ABLIM1: variants seen among roughly 807,000 people sequenced by gnomAD.
ABLIM1 encodes actin binding LIM protein 1.
ABLIM1 carries 40 observed loss-of-function variants against 107.0 expected under a neutral mutation model. That is an observed-to-expected ratio of 0.37 (90% CI 0.29 to 0.49). The LOEUF is 0.49. Ranked by LOEUF, ABLIM1 falls within the 20% of genes least tolerant of loss-of-function variation. The pLI is 0.97. For missense variants in ABLIM1, 857 were observed against 1,008.5 expected (o/e 0.85, Z 2.04); for synonymous variants, 357 against 357.3 (o/e 1.00, Z 0.01).
At chr10:114,784,668 AAAAAAAAAAAAAAAAG>A in the ABLIM1 span, among the ~76,000 whole-genome samples, 1 of 21,726 alleles carries the variant, frequency 4.6e-5, no homozygotes, top group Admixed American at 4.1e-4. Flanking sequence ...CTCACCTCAA[AAAAAAAAAAAAAAAAG>A]AAAAAGAAAA....
At chr10:114,747,076 A>G (rs766079902) in intron 1 of ABLIM1, among the ~76,000 whole-genome samples, 8 of 152,228 alleles carry the variant, frequency 5.3e-5, no homozygotes, top group African/African-American at 7.2e-5. Flanking sequence ...TTTGATGTGT[A>G]GAAGGAAAAG....
chr10:114,579,623 T>C (rs2073105109), intron 2 of ABLIM1, among the ~76,000 whole-genome samples: 1 of 152,206 alleles, frequency 6.6e-6, no homozygotes, highest in African/African-American at 2.4e-5. Context: ...ATCTTAATCA[T>C]TTTTAAGTGT....
intron 1 of ABLIM1, among the ~76,000 whole-genome samples, chr10:114,675,386 T>G (rs1184658653): frequency 6.6e-6 from 1 of 152,190 alleles, no homozygotes; most frequent in African/African-American, 2.4e-5. Flanking sequence ...TGATAGTGAA[T>G]AAGTCTCACA....
Position 114,433,590 on chromosome 10 carries a change from T to C in ABLIM1, c.*2670A>G, listed in dbSNP as rs886200339. On this transcript the variant is annotated 3_prime_UTR_variant, in exon 23 of 23. Coordinates refer to ENST00000533213, the MANE Select transcript of ABLIM1 (RefSeq NM_002313.7). ...ATATGGAAAGAAGCTTTTTTTCTTC[T>C]CAAGTTGGATGCAGAACTGAGTTTA... 3 of 152,356 alleles carry C rather than the reference T, an allele frequency of 2.0e-5. No homozygotes were observed. Among genetic ancestry groups the C allele is most frequent in the Middle Eastern group, 3.4e-3 (1 of 294 alleles). The allele number at this position is 152,356 out of a possible 1,614,324, so 9.4% of individuals were successfully genotyped here.
intron 19 of ABLIM1, 44 bp from the exon 20 acceptor site, chr10:114,440,133 G>A: frequency 6.5e-7 from 1 of 1,548,104 alleles, no homozygotes; most frequent in Non-Finnish European, 8.9e-7. Context: ...GAAAGACCAT[G>A]GAAAAGCAAG....
intron 6 of ABLIM1, among the ~76,000 whole-genome samples, chr10:114,510,423 T>C (rs1002449860): frequency 6.6e-6 from 1 of 151,484 alleles, no homozygotes; most frequent in Admixed American, 6.5e-5. Context: ...ATTTATATAA[T>C]GCAATGAATT....
intron 6 of ABLIM1, among the ~76,000 whole-genome samples, chr10:114,494,252 T>G (rs1036394153): frequency 5.9e-5 from 9 of 152,216 alleles, no homozygotes; most frequent in Non-Finnish European, 8.8e-5. Context: ...TCAATTCCAG[T>G]CTGGGCGTGG....
At chr10:114,741,900 A>C (rs935403590) in intron 1 of ABLIM1, among the ~76,000 whole-genome samples, 1 of 152,246 alleles carries the variant, frequency 6.6e-6, no homozygotes, top group African/African-American at 2.4e-5. Context: ...CCTTTGAATT[A>C]TGGTATATTC....
intron 1 of ABLIM1, chr10:114,764,901 T>A (rs1368158570): frequency 6.6e-6 from 1 of 152,296 alleles, no homozygotes; most frequent in Non-Finnish European, 1.5e-5. Context: ...AAACACATGA[T>A]CCCACCAAAG....
intron 4 of ABLIM1, among the ~76,000 whole-genome samples, chr10:114,565,412 C>T (rs901613467): frequency 6.6e-6 from 1 of 152,148 alleles, no homozygotes; most frequent in Non-Finnish European, 1.5e-5. Flanking sequence ...GAAGTCAGTG[C>T]CTGAACAGTA....
At chr10:114,745,221 C>T (rs1197300511) in intron 1 of ABLIM1, among the ~76,000 whole-genome samples, 8 of 152,210 alleles carry the variant, frequency 5.3e-5, no homozygotes, top group Non-Finnish European at 7.3e-5. Flanking sequence ...AACTACAATG[C>T]TATCCTGCCT....
At chr10:114,553,188 G>C (rs1191462334) in intron 4 of ABLIM1, among the ~76,000 whole-genome samples, 2 of 152,164 alleles carry the variant, frequency 1.3e-5, no homozygotes, top group African/African-American at 4.8e-5. Context: ...CATGGGGCTA[G>C]CTATAAAAAA....
At chr10:114,687,303 C>T (rs1328736543), upstream of ABLIM1, among the ~76,000 whole-genome samples, 3 of 152,052 alleles carry the variant, frequency 2.0e-5, no homozygotes, top group African/African-American at 7.2e-5. Context: ...CAAAACAGAG[C>T]TTGGAAAACA....
intron 1 of ABLIM1, among the ~76,000 whole-genome samples, chr10:114,638,622 T>TACACACACAC (rs59605861): frequency 1.6e-4 from 23 of 143,750 alleles, no homozygotes; most frequent in African/African-American, 5.6e-4. Context: ...ATGCCCTGCC[T>TACACACACAC]ACACACACAC....
intron 1 of ABLIM1, among the ~76,000 whole-genome samples, chr10:114,639,518 T>G (rs1053607789): frequency 5.9e-5 from 9 of 152,160 alleles, no homozygotes; most frequent in Non-Finnish European, 1.2e-4. Context: ...CTCCACCACA[T>G]GCTGAGTGAC....
chr10:114,736,220 T>G (rs2082176702), intron 1 of ABLIM1, among the ~76,000 whole-genome samples: 1 of 152,194 alleles, frequency 6.6e-6, no homozygotes, highest in Non-Finnish European at 1.5e-5. Context: ...ATCTGTCACC[T>G]GTAAAGAATA....
At chr10:114,781,550 ATATGTG>A in the ABLIM1 span, among the ~76,000 whole-genome samples, 1 of 96,184 alleles carries the variant, frequency 1.0e-5, no homozygotes, top group Non-Finnish European at 2.5e-5. Context: ...ATATATCTAT[ATATGTG>A]TGTGTGTGTG....
chr10:114,605,211 A>G (rs1202902944), intron 1 of ABLIM1, among the ~76,000 whole-genome samples: 1 of 152,224 alleles, frequency 6.6e-6, no homozygotes, highest in African/African-American at 2.4e-5. Context: ...AGTGTCAAGA[A>G]AGGAATATCT....
In ABLIM1 at chr10:114,431,927, T is replaced by C. The variant is rs2058896271; in HGVS notation, c.*4333A>G. 1 of 152,152 alleles carries C rather than the reference T, an allele frequency of 6.6e-6. No homozygotes were observed. Among genetic ancestry groups the C allele is most frequent in the Non-Finnish European group, 1.5e-5 (1 of 68,038 alleles). 9.4% of individuals were successfully genotyped at this position (152,152 alleles called of 1,614,324 possible). ...AACATAACAATCCATATGCAAAGCA[T>C]ATCTGCCACCACCTCCCACTGCTTC... On this transcript the variant is annotated 3_prime_UTR_variant, in exon 23 of 23. Transcript: ENST00000533213.
Sources: allele counts gnomAD v4.1 joint callset (sites outside exome capture counted in the v4.1 genomes callset), GRCh38; gene constraint gnomAD v4.1.1; transcripts MANE v1.5; gene names NCBI Gene and HGNC (gene_info 2026-07-23, HGNC 2026-07-21).